SDK1: variants seen among roughly 807,000 people sequenced by gnomAD.
SDK1 encodes the protein protein sidekick-1.
A neutral mutation model predicts 245.5 loss-of-function variants in SDK1; 157 were observed. The ratio of observed to expected loss-of-function variants is 0.64; its 90% CI spans 0.56 to 0.73. SDK1 has a LOEUF of 0.73. SDK1 is among the 30% of genes least tolerant of loss of function. SDK1 has a pLI of 0.00. For synonymous variants in SDK1, 1,647 were observed against 1,278.5 expected, an observed-to-expected ratio of 1.29 and a Z score of -6.15; for missense variants, 3,583 against 3,002.3, an observed-to-expected ratio of 1.19 and a Z score of -4.52.
chr7:3,496,327 C>G (rs1419794839), intron 1 of SDK1, among the ~76,000 whole-genome samples: 1 of 152,076 alleles, frequency 6.6e-6, no homozygotes, highest in African/African-American at 2.4e-5. Context: ...AATTCCCTGG[C>G]AATAGCACTG....
chr7:3,783,102 G>T (rs1373070775), intron 4 of SDK1, among the ~76,000 whole-genome samples: 1 of 152,170 alleles, frequency 6.6e-6, no homozygotes, highest in South Asian at 2.1e-4. Context: ...TCACATTAAT[G>T]GAATGAAGGA....
intron 5 of SDK1, among the ~76,000 whole-genome samples, chr7:3,946,401 A>G (rs954428626): frequency 6.6e-6 from 1 of 152,120 alleles, no homozygotes; most frequent in African/African-American, 2.4e-5. Flanking sequence ...GCTGGTCTCA[A>G]ACTCCTGAAT....
intron 2 of SDK1, among the ~76,000 whole-genome samples, chr7:3,637,358 A>C (rs1314345274): frequency 1.3e-5 from 2 of 152,162 alleles, no homozygotes; most frequent in East Asian, 3.9e-4. Flanking sequence ...CGGCCTCCCA[A>C]ATTGCTGGGA....
rs548789935 is a variant in SDK1, at chr7:3,674,300, T to C, written c.713+32195T>C. On this transcript the variant is annotated intron_variant, in intron 4 of 44. Transcript: ENST00000404826. ...TTGAGAAGAGGCGGGTGGAGTGTAG[T>C]GAGCATGGTAATGAGAAGGAAGGAG... is the stretch of plus-strand genomic sequence containing the variant. 4.6e-3 allele frequency among the ~76,000 whole-genome samples: 697 copies of C among 152,052 alleles called. 5 individuals are homozygous for C. The highest frequency in any genetic ancestry group is 0.015 in the African/African-American group (605 of 41,456).
At chr7:3,580,294 T>G (rs1211002274) in intron 1 of SDK1, among the ~76,000 whole-genome samples, 1 of 152,166 alleles carries the variant, frequency 6.6e-6, no homozygotes, top group Non-Finnish European at 1.5e-5. Flanking sequence ...AATAACTATT[T>G]TAAAATTCAC....
At chr7:3,985,892 A>G (rs975714493) in intron 13 of SDK1, among the ~76,000 whole-genome samples, 1 of 152,170 alleles carries the variant, frequency 6.6e-6, no homozygotes, top group Non-Finnish European at 1.5e-5. Flanking sequence ...AATATCAAGT[A>G]TAATTATGGC....
chr7:3,857,106 C>T lies in SDK1; in HGVS notation c.847+35523C>T, dbSNP rs1188870499. 1.2e-4 allele frequency among the ~76,000 whole-genome samples: 18 copies of T among 152,212 alleles called. 1 individual carries two copies. The South Asian group carries it at 3.7e-3, about 32-fold the overall frequency. On this transcript the variant is annotated intron_variant, in intron 5 of 44. Transcript: ENST00000404826. ...TTAACTGAAAAAAATTACTCTTAGT[C>T]ACCTGGGTATAGAGGGAAAACTTAT...
chr7:3,757,423 G>C (rs150735653), intron 4 of SDK1, among the ~76,000 whole-genome samples: 1 of 152,224 alleles, frequency 6.6e-6, no homozygotes, highest in African/African-American at 2.4e-5. Context: ...TTTTAATAGA[G>C]ATGGGGTCTC....
intron 35 of SDK1, among the ~76,000 whole-genome samples, chr7:4,187,621 T>C (rs371524934): frequency 3.3e-5 from 5 of 152,226 alleles, no homozygotes; most frequent in East Asian, 1.9e-4. Flanking sequence ...CTCATGGCTA[T>C]TTTTTGCATG....
chr7:3,538,647 G>C (rs1778965699), intron 1 of SDK1, among the ~76,000 whole-genome samples: 1 of 152,256 alleles, frequency 6.6e-6, no homozygotes, highest in African/African-American at 2.4e-5. Context: ...TGGGAGAACT[G>C]ACCAAGTCCA....
intron 4 of SDK1, among the ~76,000 whole-genome samples, chr7:3,679,179 G>T (rs556789647): frequency 6.6e-6 from 1 of 152,258 alleles, no homozygotes; most frequent in East Asian, 1.9e-4. Flanking sequence ...CAAACTAGGG[G>T]AAAATATTTG....
chr7:4,040,014 G>A lies in SDK1; in HGVS notation c.2603-9334G>A, dbSNP rs569957177. The stretch of plus-strand genomic sequence containing the variant: ...CATGTTACTGAACCAAACTGGGTTT[G>A]TCTGTCCCTGCATGAGAGGAAGACG... On this transcript the variant is annotated intron_variant, in intron 17 of 44. Transcript: ENST00000404826. 5.3e-5 allele frequency among the ~76,000 whole-genome samples: 8 copies of A among 152,340 alleles called. No homozygotes were observed. In the East Asian group the frequency reaches 1.3e-3, roughly 26 times the overall value.
At chr7:3,468,813 C>T (rs1414845504) in intron 1 of SDK1, among the ~76,000 whole-genome samples, 1 of 152,104 alleles carries the variant, frequency 6.6e-6, no homozygotes, top group African/African-American at 2.4e-5. Flanking sequence ...TTTGGGTCTT[C>T]ATTATGAAGG....
At position 3,668,916 on chromosome 7, in the gene SDK1, G is replaced by A. The variant is rs562423835; in HGVS notation, c.713+26811G>A. On this transcript the variant is annotated intron_variant, in intron 4 of 44. Coordinates refer to ENST00000404826, the MANE Select transcript of SDK1 (RefSeq NM_152744.4). The stretch of plus-strand genomic sequence containing the variant: ...AAGGCCTGCCCAGGTTCAGGAGAAG[G>A]AGCCATAGACCTGTCCCTGTGTGAC... 1.5e-4 allele frequency among the ~76,000 whole-genome samples: 23 copies of A among 152,318 alleles called. 2 individuals carry two copies. Among genetic ancestry groups the A allele is most frequent in the African/African-American group, 5.1e-4 (21 of 41,556 alleles).
At chr7:4,016,561 A>G (rs977253653) in intron 16 of SDK1, among the ~76,000 whole-genome samples, 1 of 152,224 alleles carries the variant, frequency 6.6e-6, no homozygotes, top group Non-Finnish European at 1.5e-5. Flanking sequence ...ACACTACTTT[A>G]AATTTCCACC....
intron 1 of SDK1, among the ~76,000 whole-genome samples, chr7:3,314,663 G>A (rs990502035): frequency 3.3e-5 from 5 of 152,184 alleles, no homozygotes; most frequent in Admixed American, 2.6e-4. Context: ...GAGGCCATCT[G>A]CATCTCTAAC....
rs546816386 is a variant in SDK1, at chr7:4,265,437, A to G, written c.*53A>G. ...GAACGGAGGCAACTTTCCGGAGTCTATTTTTGTTAAGACAATCAACTCCAA... is the reference window on the plus strand; with the variant it reads ...GAACGGAGGCAACTTTCCGGAGTCTGTTTTTGTTAAGACAATCAACTCCAA... On this transcript the variant is annotated 3_prime_UTR_variant, in exon 45 of 45. Transcript: ENST00000404826. The G allele has an allele frequency of 3.6e-6, 5 of 1,400,310 alleles. No homozygotes were observed. The highest frequency in any genetic ancestry group is 4.6e-6 in the Non-Finnish European group (5 of 1,085,676). The allele number at this position is 1,400,310 out of a possible 1,614,324, so 86.7% of individuals were successfully genotyped here. A position where few individuals can be genotyped will look rare whatever the true frequency, so the allele number is the denominator to read the frequency against.
intron 31 of SDK1, 144 bp downstream of exon 31, chr7:4,158,695 G>C: frequency 3.2e-6 from 2 of 618,308 alleles, no homozygotes; most frequent in Non-Finnish European, 5.8e-6. Context: ...CAGACAGCTC[G>C]GAGGGTTTCC....
At chr7:3,614,471 C>G (rs1426252321) in intron 1 of SDK1, among the ~76,000 whole-genome samples, 1 of 152,206 alleles carries the variant, frequency 6.6e-6, no homozygotes, top group African/African-American at 2.4e-5. Flanking sequence ...AGTTTTATAA[C>G]TTTACCTTAG....
Sources: gnomAD v4.1 joint callset for allele counts (sites outside exome capture counted in the v4.1 genomes callset) on GRCh38, gnomAD v4.1.1 for gene constraint, MANE v1.5 for transcripts, NCBI Gene and HGNC (gene_info 2026-07-23, HGNC 2026-07-21) for gene names.